Variants in ZFHX3 observed in about 807,000 individuals in gnomAD.
ZFHX3 encodes zinc finger homeobox 3, also known as zinc finger homeobox protein 3.
Under a neutral mutation model 279.1 loss-of-function variants are expected in ZFHX3, and 42 were observed. The ratio of observed to expected loss-of-function variants is 0.15; its 90% CI spans 0.12 to 0.19. ZFHX3 has a LOEUF of 0.19. Ranked by LOEUF, ZFHX3 falls within the 10% of genes least tolerant of loss-of-function variation. The pLI is 1.00. For synonymous variants in ZFHX3, 2,293 were observed against 1,957.8 expected, an observed-to-expected ratio of 1.17 and a Z score of -4.52; for missense variants, 4,981 against 4,754.0, an observed-to-expected ratio of 1.05 and a Z score of -1.40.
intron 4 of ZFHX3, among the ~76,000 whole-genome samples, chr16:72,857,340 G>A (rs2037777712): frequency 1.3e-5 from 2 of 152,108 alleles, no homozygotes; most frequent in South Asian, 4.1e-4. Flanking sequence ...GCCCCATTTG[G>A]GTTTCACAAG....
At chr16:73,240,314 G>A (rs546851997) in intron 5 of ZFHX3, among the ~76,000 whole-genome samples, 1 of 151,926 alleles carries the variant, frequency 6.6e-6, no homozygotes, top group Non-Finnish European at 1.5e-5. Flanking sequence ...CACCTCCTGG[G>A]TTCAAGTGAT....
At chr16:72,986,089 G>C (rs777146336) in intron 1 of ZFHX3, among the ~76,000 whole-genome samples, 2 of 149,470 alleles carry the variant, frequency 1.3e-5, no homozygotes, top group Non-Finnish European at 3.0e-5. Context: ...CCAAAAAGCA[G>C]GCCTCACCCC....
At chr16:73,448,048 A>C (rs1161322804) in intron 3 of ZFHX3, among the ~76,000 whole-genome samples, 1 of 152,208 alleles carries the variant, frequency 6.6e-6, no homozygotes, top group East Asian at 1.9e-4. Context: ...ACATTTGCCA[A>C]ATCAGCACAT....
chr16:73,682,377 T>C (rs935136177), intron 1 of ZFHX3, among the ~76,000 whole-genome samples: 11 of 152,164 alleles, frequency 7.2e-5, no homozygotes, highest in African/African-American at 1.7e-4. Context: ...GAATGTTGTT[T>C]TGGAGAAAGA....
At position 72,959,645 on chromosome 16, in the gene ZFHX3, G is replaced by T; in HGVS notation, c.501C>A (p.Pro167=). 6.2e-7 allele frequency: 1 copy of T among 1,614,024 alleles called. No homozygotes were observed. Among genetic ancestry groups the T allele is most frequent in the Non-Finnish European group, 8.5e-7 (1 of 1,180,008 alleles). Residue 167 remains proline, a synonymous_variant, in exon 2 of 10, where the codon CCC becomes CCA. Transcript: ENST00000268489. ...CAGGGAGAGAGTTCAGGAAAAGCGAGGGGAGAGGCCCACTGCCACTGCCAC... is the reference window on the plus strand; with the variant it reads ...CAGGGAGAGAGTTCAGGAAAAGCGATGGGAGAGGCCCACTGCCACTGCCAC... ...CGSGSGSGPL[P]SLFLNSLPGA... is the part of the protein sequence containing the mutation.
chr16:73,494,598 T>C (rs1376446328), intron 2 of ZFHX3, among the ~76,000 whole-genome samples: 3 of 152,186 alleles, frequency 2.0e-5, no homozygotes, highest in Non-Finnish European at 2.9e-5. Flanking sequence ...TTTGCTCTTG[T>C]TGCCCAAGCT....
rs765666994 is a variant in ZFHX3, at chr16:72,811,758, C to G, written c.3683G>C (p.Cys1228Ser). Residue 1228 changes from cysteine (C) to serine (S), a missense_variant, in exon 7 of 10, where the codon TGC becomes TCC. Around this residue, in one of 7 missense-constraint regions of ZFHX3, gnomAD observed 1,751 missense variants for 1,770.0 expected, o/e 0.99. Coordinates refer to ENST00000268489, the MANE Select transcript of ZFHX3 (RefSeq NM_006885.4). ...GTTGACATCGGCATTACTGTACTTG[C>G]AGTAGGGACACTGGTACATCTGTGG... is the stretch of plus-strand genomic sequence containing the variant. ...KPEQMYQCPY[C>S]KYSNADVNRL... The G allele has an allele frequency of 6.2e-7, 1 of 1,613,710 alleles. No homozygotes were observed. Among genetic ancestry groups the G allele is most frequent in the Non-Finnish European group, 8.5e-7 (1 of 1,179,870 alleles).
intron 1 of ZFHX3, among the ~76,000 whole-genome samples, chr16:73,740,136 A>G (rs2053642932): frequency 6.6e-6 from 1 of 152,164 alleles, no homozygotes; most frequent in African/African-American, 2.4e-5. Flanking sequence ...ACCCCCAGGT[A>G]TTATATTTCA....
At chr16:73,436,272 G>A (rs1051602169) in intron 3 of ZFHX3, among the ~76,000 whole-genome samples, 1 of 152,250 alleles carries the variant, frequency 6.6e-6, no homozygotes, top group East Asian at 1.9e-4. Context: ...GGTAAGCCAA[G>A]ATCACACCAT....
At chr16:73,227,368 A>G (rs1310119581) in intron 5 of ZFHX3, among the ~76,000 whole-genome samples, 1 of 152,248 alleles carries the variant, frequency 6.6e-6, no homozygotes, top group African/African-American at 2.4e-5. Flanking sequence ...ACCAAGCTCC[A>G]GGTAGAGTGC....
chr16:73,324,346 T>C (rs1346300463), intron 3 of ZFHX3, among the ~76,000 whole-genome samples: 1 of 152,214 alleles, frequency 6.6e-6, no homozygotes, highest in Non-Finnish European at 1.5e-5. Context: ...GCTCATTGGA[T>C]TGATCTTTGA....
intron 1 of ZFHX3, among the ~76,000 whole-genome samples, chr16:73,021,810 G>A (rs568005281): frequency 2.1e-4 from 27 of 126,704 alleles, no homozygotes; most frequent in Non-Finnish European, 4.2e-4. Context: ...CAGCCTGGGT[G>A]ACAAAGCGAG....
At chr16:73,596,473 A>T (rs1035255768) in intron 2 of ZFHX3, among the ~76,000 whole-genome samples, 1 of 151,806 alleles carries the variant, frequency 6.6e-6, no homozygotes, top group African/African-American at 2.4e-5. Flanking sequence ...CTCTAGCCTC[A>T]CTGTGCTGGT....
intron 7 of ZFHX3, among the ~76,000 whole-genome samples, chr16:72,804,683 CGGG>C: frequency 6.6e-6 from 1 of 152,196 alleles, no homozygotes; most frequent in East Asian, 1.9e-4. Flanking sequence ...GTCTGAGATA[CGGG>C]ACTAGTCTCC....
chr16:73,378,899 T>C (rs923423387), intron 3 of ZFHX3, among the ~76,000 whole-genome samples: 1 of 152,190 alleles, frequency 6.6e-6, no homozygotes, highest in African/African-American at 2.4e-5. Context: ...TACCTTCCCA[T>C]GCTTCATGCC....
chr16:72,864,305 C>G (rs554877440), intron 4 of ZFHX3, among the ~76,000 whole-genome samples: 10 of 152,096 alleles, frequency 6.6e-5, no homozygotes, highest in Non-Finnish European at 1.3e-4. Context: ...CCACATTGAC[C>G]ACCATGTCTC....
intron 3 of ZFHX3, among the ~76,000 whole-genome samples, chr16:73,323,817 G>A (rs1278700313): frequency 6.6e-6 from 1 of 152,182 alleles, no homozygotes; most frequent in Non-Finnish European, 1.5e-5. Context: ...GGGTAGCTAG[G>A]CAATGTTCCC....
rs145247456 is a variant in ZFHX3, at chr16:73,328,946, C to T, written c.-1290-10610G>A. Among the ~76,000 whole-genome samples, 470 of 152,328 alleles carry T rather than the reference C, an allele frequency of 3.1e-3. 1 individual carries two copies. The highest frequency in any genetic ancestry group is 6.8e-3 in the Middle Eastern group (2 of 294). On this transcript the variant is annotated intron_variant, in intron 3 of 17. Coordinates refer to the ZFHX3 transcript ENST00000641206. ...CTTTCTCCTCTTCAGCGAATTAGCA[C>T]ATCGAAGGACCTCTCTGTCCTCCTT...
At chr16:73,868,869 A>C (rs1962097294) in intron 1 of ZFHX3, among the ~76,000 whole-genome samples, 1 of 152,064 alleles carries the variant, frequency 6.6e-6, no homozygotes, top group Admixed American at 6.5e-5. Context: ...TGATCAATTT[A>C]TAATCTAAAG....
Sources: allele counts gnomAD v4.1 joint callset (sites outside exome capture counted in the v4.1 genomes callset), GRCh38; gene constraint gnomAD v4.1.1; regional missense constraint gnomAD v4.1.1; transcripts MANE v1.5; gene names NCBI Gene and HGNC (gene_info 2026-07-23, HGNC 2026-07-21).